Variants in ERCC6L2 observed in about 807,000 individuals in gnomAD.
ERCC6L2 encodes ERCC excision repair 6 like 2.
In ERCC6L2, 77 loss-of-function variants were observed where a neutral mutation model predicts 132.0. The observed-to-expected ratio is 0.58, with a 90% confidence interval of 0.49 to 0.71. The LOEUF (loss-of-function observed/expected upper bound fraction) is 0.71. ERCC6L2 is among the 30% of genes least tolerant of loss of function. The pLI is 0.00. For missense variants in ERCC6L2, 1,542 were observed against 1,837.6 expected (o/e 0.84, Z 2.94); for synonymous variants, 583 against 632.4 (o/e 0.92, Z 1.17).
intron 13 of ERCC6L2, among the ~76,000 whole-genome samples, chr9:95,956,242 C>A (rs746784531): frequency 6.6e-6 from 1 of 152,124 alleles, no homozygotes; most frequent in Non-Finnish European, 1.5e-5. Flanking sequence ...AGTGTACATG[C>A]GAATTACCAA....
chr9:95,996,449 A>G (rs1471862288), intron 17 of ERCC6L2, among the ~76,000 whole-genome samples: 3 of 152,266 alleles, frequency 2.0e-5, no homozygotes, highest in Admixed American at 2.0e-4. Context: ...AGGTGGCTAC[A>G]CTAAACAATA....
At chr9:95,997,812 TTTGAG>T (rs1269909928) in intron 17 of ERCC6L2, among the ~76,000 whole-genome samples, 1 of 148,908 alleles carries the variant, frequency 6.7e-6, no homozygotes, top group Admixed American at 6.7e-5. Flanking sequence ...AATGAACAAG[TTTGAG>T]TTAAGTTCAC....
intron 12 of ERCC6L2, chr9:95,954,949 T>C (rs1831524981): frequency 2.2e-6 from 1 of 464,490 alleles, no homozygotes; most frequent in African/African-American, 2.0e-5. Flanking sequence ...GAACATCAAA[T>C]GTAACATATG....
chr9:96,024,921 G>A (rs1487009939), intron 19 of ERCC6L2, among the ~76,000 whole-genome samples: 1 of 152,050 alleles, frequency 6.6e-6, no homozygotes, highest in African/African-American at 2.4e-5. Flanking sequence ...TTTTTATTTG[G>A]TTGGATGCTT....
chr9:96,032,802 A>C (rs1564313426), intron 19 of ERCC6L2, among the ~76,000 whole-genome samples: 1 of 152,214 alleles, frequency 6.6e-6, no homozygotes, highest in Non-Finnish European at 1.5e-5. Context: ...TGGTCTGTGA[A>C]GGTCCATTCC....
At chr9:95,925,082 A>G (rs1405836604) in intron 9 of ERCC6L2, among the ~76,000 whole-genome samples, 1 of 152,180 alleles carries the variant, frequency 6.6e-6, no homozygotes, top group African/African-American at 2.4e-5. Context: ...GTGATAAAAG[A>G]TCTTTGTTTA....
intron 12 of ERCC6L2, among the ~76,000 whole-genome samples, chr9:95,945,394 AAC>A (rs1831010840): frequency 6.6e-6 from 1 of 152,156 alleles, no homozygotes; most frequent in Non-Finnish European, 1.5e-5. Flanking sequence ...ATATTGTTTA[AAC>A]ACACATGCTG....
intron 2 of ERCC6L2, among the ~76,000 whole-genome samples, chr9:95,885,284 A>G (rs78386004): frequency 0.03 from 4,599 of 152,322 alleles, 94 homozygotes; most frequent in East Asian, 0.13. Flanking sequence ...GTTGCATTTT[A>G]AAATAGCAGA....
chr9:96,026,064 G>C (rs914556459), intron 19 of ERCC6L2: 4 of 152,534 alleles, frequency 2.6e-5, no homozygotes, highest in African/African-American at 9.7e-5. Context: ...GGGGCCCTGG[G>C]GAGTGGAACC....
intron 14 of ERCC6L2, chr9:95,968,270 A>C (rs1251244718): frequency 6.6e-6 from 1 of 152,218 alleles, no homozygotes; most frequent in East Asian, 1.9e-4. Flanking sequence ...AATATCTTTT[A>C]AGTTCTTTAA....
intron 20 of ERCC6L2, among the ~76,000 whole-genome samples, chr9:96,040,070 C>A (rs1048610549): frequency 2.1e-5 from 3 of 145,948 alleles, no homozygotes; most frequent in Non-Finnish European, 4.5e-5. Flanking sequence ...AAAAAAAAGA[C>A]ATGGTCCTTA....
chr9:96,036,405 C>T (rs1165465250), intron 19 of ERCC6L2, among the ~76,000 whole-genome samples: 1 of 152,210 alleles, frequency 6.6e-6, no homozygotes, highest in Admixed American at 6.5e-5. Context: ...TAATATTCCA[C>T]ATTTTGTTTC....
chr9:95,977,286 A>G (rs1331826232), intron 16 of ERCC6L2, among the ~76,000 whole-genome samples: 1 of 152,202 alleles, frequency 6.6e-6, no homozygotes, highest in Non-Finnish European at 1.5e-5. Context: ...TTATTTAACA[A>G]TGTTTTGTGT....
intron 2 of ERCC6L2, among the ~76,000 whole-genome samples, chr9:95,893,355 A>G (rs1828268892): frequency 6.6e-6 from 1 of 152,228 alleles, no homozygotes; most frequent in South Asian, 2.1e-4. Flanking sequence ...CTGTGTGCTA[A>G]TATTTTGTTT....
chr9:95,898,285 G>A (rs1828572632), intron 3 of ERCC6L2, among the ~76,000 whole-genome samples: 1 of 152,206 alleles, frequency 6.6e-6, no homozygotes, highest in African/African-American at 2.4e-5. Flanking sequence ...GAATGTATAT[G>A]TAAAGTTAAT....
intron 12 of ERCC6L2, among the ~76,000 whole-genome samples, chr9:95,952,644 A>C (rs1011723441): frequency 6.6e-6 from 1 of 152,114 alleles, no homozygotes; most frequent in Non-Finnish European, 1.5e-5. Flanking sequence ...GGCCTGCCTG[A>C]CCAACATGGT....
intron 3 of ERCC6L2, among the ~76,000 whole-genome samples, chr9:95,903,950 A>G (rs1427078066): frequency 6.6e-6 from 1 of 152,060 alleles, no homozygotes; most frequent in African/African-American, 2.4e-5. Flanking sequence ...AAAACTTGAT[A>G]TTCTGTCAAA....
At chr9:95,983,414 A>G (rs983669025) in intron 17 of ERCC6L2, among the ~76,000 whole-genome samples, 39 of 152,346 alleles carry the variant, frequency 2.6e-4, no homozygotes, top group African/African-American at 8.9e-4. Flanking sequence ...TTCTTTGAAC[A>G]GTTTCTCTGT....
intron 6 of ERCC6L2, chr9:95,918,274 A>G: frequency 2.3e-6 from 1 of 425,688 alleles, no homozygotes; most frequent in South Asian, 1.9e-5. Context: ...ACTACAGTGT[A>G]GCTGTGATGT....
Sources: gnomAD v4.1 joint callset for allele counts (sites outside exome capture counted in the v4.1 genomes callset) on GRCh38, gnomAD v4.1.1 for gene constraint, MANE v1.5 for transcripts, NCBI Gene and HGNC (gene_info 2026-07-23, HGNC 2026-07-21) for gene names.